The following UBA6 variants were observed in gnomAD, a reference collection of about 807,000 sequenced individuals.
UBA6 encodes ubiquitin-like modifier-activating enzyme 6.
A neutral mutation model predicts 148.3 loss-of-function variants in UBA6; 87 were observed. That is an observed-to-expected ratio of 0.59 (90% confidence interval 0.49 to 0.70). UBA6 has a LOEUF of 0.70. Among genes scored for constraint, UBA6 ranks in the 30% least tolerant of loss-of-function variants. The probability of loss-of-function intolerance (pLI) is 0.00; values close to 1 mark genes in which losing one functional copy is unlikely to be tolerated. For missense variants in UBA6, 1,186 were observed against 1,241.2 expected (o/e 0.96, Z 0.67); for synonymous variants, 376 against 401.0 (o/e 0.94, Z 0.75).
intron 2 of UBA6, among the ~76,000 whole-genome samples, chr4:67,685,338 G>A (rs6819135): frequency 0.39 from 58,538 of 151,884 alleles, 11,409 homozygotes; most frequent in Middle Eastern, 0.51. Flanking sequence ...AAAAACCCCA[G>A]TGGTTTTCTA....
In UBA6 at chr4:67,701,142, G is replaced by A. The variant is rs374229524; in HGVS notation, c.-23C>T. 4.2e-5 allele frequency: 68 copies of A among 1,610,458 alleles called. No individual in the cohort carries two copies. The African/African-American group carries it at 7.9e-4, about 19-fold the overall frequency. On this transcript the variant is annotated 5_prime_UTR_variant, in exon 1 of 33. Transcript: ENST00000322244. ...CATTGCCGCCTGAGACACCGCCGCC[G>A]GCTACTGGAAGGTAGGAAGGGGCGG...
At chr4:67,649,339 T>G in intron 13 of UBA6, 128 bp from the exon 14 acceptor site, 2 of 868,484 alleles carry the variant, frequency 2.3e-6, no homozygotes, top group Non-Finnish European at 3.4e-6. Flanking sequence ...CTACTAAATA[T>G]CTCTAAAAAT....
intron 13 of UBA6, among the ~76,000 whole-genome samples, chr4:67,657,250 G>C (rs1305930220): frequency 1.3e-5 from 2 of 152,150 alleles, no homozygotes; most frequent in African/African-American, 4.8e-5. Context: ...AGAGAACAAA[G>C]CTGGAAGCAT....
intron 13 of UBA6, 77 bp from the exon 14 acceptor site, chr4:67,649,288 G>A (rs866163339): frequency 1.3e-5 from 18 of 1,340,390 alleles, no homozygotes; most frequent in Non-Finnish European, 5.0e-6. Context: ...GACTAAATGT[G>A]AGAATTAGAA....
At chr4:67,634,208 T>A in intron 22 of UBA6, 34 bp downstream of exon 22, 1 of 1,406,330 alleles carries the variant, frequency 7.1e-7, no homozygotes, top group Non-Finnish European at 9.8e-7. Flanking sequence ...TGACACAAAG[T>A]GTTAAGTTTG....
At chr4:67,667,160 C>T (rs1336440191) in intron 9 of UBA6, among the ~76,000 whole-genome samples, 2 of 151,570 alleles carry the variant, frequency 1.3e-5, no homozygotes, top group African/African-American at 2.4e-5. Context: ...ACATGGACCC[C>T]GAAATTACAA....
In UBA6 at chr4:67,644,742, T is replaced by A. The variant is rs202209256; in HGVS notation, c.1432A>T (p.Asn478Tyr). 6.2e-7 allele frequency: 1 copy of A among 1,611,850 alleles called. No homozygotes were observed. The highest frequency in any genetic ancestry group is 8.5e-7 in the Non-Finnish European group (1 of 1,178,112). ...CGAIGCEMLK[N>Y]FALLGVGTSK... ...GTGCCAACACCAAGTAAAGCAAAAT[T>A]TTTCAACATTTCACAGCCTATGGCT... Residue 478 changes from asparagine to tyrosine, a missense_variant, in exon 17 of 33, where the codon AAT becomes TAT. Asn to Tyr is a moderately radical substitution (Grantham distance 143). Transcript: ENST00000322244.
chr4:67,649,709 G>A (rs1217561414), intron 13 of UBA6, among the ~76,000 whole-genome samples: 2 of 152,092 alleles, frequency 1.3e-5, no homozygotes, highest in Admixed American at 6.5e-5. Flanking sequence ...TACACTTAGA[G>A]ATAATGTTTT....
chr4:67,682,394 A>G (rs1229914818), intron 2 of UBA6, among the ~76,000 whole-genome samples, 181 bp from the exon 3 acceptor site: 5 of 152,218 alleles, frequency 3.3e-5, no homozygotes, highest in Non-Finnish European at 7.3e-5. Flanking sequence ...ATTTTGAAAA[A>G]TCAGATAATT....
intron 23 of UBA6, 119 bp from the exon 24 acceptor site, chr4:67,632,027 A>C: frequency 1.1e-6 from 1 of 910,872 alleles, no homozygotes; most frequent in Non-Finnish European, 1.6e-6. Flanking sequence ...AAATCAAAAC[A>C]CATTAAAAGA....
intron 2 of UBA6, 72 bp downstream of exon 2, chr4:67,696,553 GCATAGGCTGAATGGTATCTT>G (rs1437342556): frequency 8.6e-6 from 8 of 926,896 alleles, no homozygotes; most frequent in Non-Finnish European, 1.3e-5. Context: ...ATATAATTCT[GCATAGGCTGAATGGTATCTT>G]CAAAGAGACT....
At chr4:67,694,663 C>T (rs1730790006) in intron 2 of UBA6, among the ~76,000 whole-genome samples, 1 of 152,186 alleles carries the variant, frequency 6.6e-6, no homozygotes, top group Non-Finnish European at 1.5e-5. Context: ...TCCCAAAGTG[C>T]TGGGATTACA....
Position 67,631,911 on chromosome 4 carries a change from A to T in UBA6, c.2143-3T>A, listed in dbSNP as rs752483796. 2 of 1,609,424 alleles carry T rather than the reference A, an allele frequency of 1.2e-6. No homozygotes were observed. The highest frequency in any genetic ancestry group is 1.7e-6 in the Non-Finnish European group (2 of 1,178,312). On this transcript the variant is annotated splice_polypyrimidine_tract_variant and splice_region_variant and intron_variant, in intron 23 of 32. Coordinates refer to ENST00000322244, the MANE Select transcript of UBA6 (RefSeq NM_018227.6). ...AAACAGTGAAGAAGCTGAAGAGCCT[A>T]AAGAAAAAAAATGAATTAAAGACAC...
At chr4:67,657,165 G>T (rs1729719295) in intron 13 of UBA6, among the ~76,000 whole-genome samples, 1 of 152,138 alleles carries the variant, frequency 6.6e-6, no homozygotes, top group Non-Finnish European at 1.5e-5. Context: ...TTTCTTCACA[G>T]AAGTGGAAAA....
intron 20 of UBA6, 115 bp downstream of exon 20, chr4:67,635,338 A>C: frequency 1.6e-6 from 1 of 613,734 alleles, no homozygotes; most frequent in Non-Finnish European, 2.9e-6. Context: ...ATATGTATGA[A>C]CATCATTGGC....
chr4:67,699,962 T>G (rs1482994014), intron 1 of UBA6, among the ~76,000 whole-genome samples: 1 of 152,210 alleles, frequency 6.6e-6, no homozygotes, highest in Non-Finnish European at 1.5e-5. Context: ...TTTCACTTGC[T>G]GTTTTCCTTG....
intron 4 of UBA6, among the ~76,000 whole-genome samples, chr4:67,678,825 A>C (rs1362368722): frequency 6.6e-6 from 1 of 152,152 alleles, no homozygotes. Flanking sequence ...AACTGGCTCA[A>C]CCTCAACGGA....
At chr4:67,657,101 A>G (rs1027663602) in intron 13 of UBA6, among the ~76,000 whole-genome samples, 1 of 152,166 alleles carries the variant, frequency 6.6e-6, no homozygotes, top group African/African-American at 2.4e-5. Flanking sequence ...AAACGCCCAT[A>G]CTGCCCAAGG....
intron 2 of UBA6, among the ~76,000 whole-genome samples, chr4:67,693,543 A>C (rs1221105728): frequency 6.6e-6 from 1 of 152,182 alleles, no homozygotes; most frequent in East Asian, 1.9e-4. Context: ...TCAAGTGTCA[A>C]CTATACTATA....
Sources: allele counts gnomAD v4.1 joint callset (sites outside exome capture counted in the v4.1 genomes callset), GRCh38; gene constraint gnomAD v4.1.1; transcripts MANE v1.5; gene names NCBI Gene and HGNC (gene_info 2026-07-23, HGNC 2026-07-21).